Variants in DNMT1 observed in about 807,000 individuals in gnomAD.
DNMT1 encodes the protein DNA (cytosine-5)-methyltransferase 1.
DNMT1 carries 24 observed loss-of-function variants against 205.3 expected under a neutral mutation model. The ratio of observed to expected loss-of-function variants is 0.12; its 90% CI spans 0.08 to 0.16. The LOEUF is 0.16. Among genes scored for constraint, DNMT1 ranks in the 10% least tolerant of loss-of-function variants. The pLI, the probability that DNMT1 is intolerant of heterozygous loss-of-function variation, is 1.00. For synonymous variants in DNMT1, 817 were observed against 839.8 expected, an observed-to-expected ratio of 0.97 and a Z score of 0.47; for missense variants, 1,293 against 2,177.7, an observed-to-expected ratio of 0.59 and a Z score of 8.09.
At chr19:10,166,459 C>T in intron 11 of DNMT1, 139 bp downstream of exon 11, 1 of 1,020,512 alleles carries the variant, frequency 9.8e-7, no homozygotes, top group South Asian at 1.3e-5. Context: ...AGGTGACCTT[C>T]CCAGAGTCTG....
intron 34 of DNMT1, among the ~76,000 whole-genome samples, chr19:10,139,373 C>T (rs2089556693): frequency 6.6e-6 from 1 of 152,238 alleles, no homozygotes; most frequent in Non-Finnish European, 1.5e-5. Context: ...CCATGGTGGG[C>T]TGCTCACCCT....
At position 10,173,855 on chromosome 19, in the gene DNMT1, T is replaced by C; in HGVS notation, c.683+16A>G. 6.2e-7 allele frequency: 1 copy of C among 1,613,534 alleles called. No individual in the cohort carries two copies. Among genetic ancestry groups the C allele is most frequent in the Non-Finnish European group, 8.5e-7 (1 of 1,179,492 alleles). On this transcript the variant is annotated intron_variant, in intron 8 of 40. Transcript: ENST00000359526. ...AACTCGTAGAACAAAAAGAAAGGTA[T>C]AGTAACTATTCTTACCGTTCTCTGG... is the stretch of plus-strand genomic sequence containing the variant.
chr19:10,159,341 G>A lies in DNMT1; in HGVS notation c.1280+317C>T, dbSNP rs188654091. On this transcript the variant is annotated intron_variant, in intron 17 of 40. Coordinates refer to ENST00000359526, the MANE Select transcript of DNMT1 (RefSeq NM_001130823.3). This position sits in a 1 kb window ranked among gnomAD's most constrained non-coding sequence, Gnocchi z 5.0. ...AGAAATTCTCCTGCCTAAGCCTCTC[G>A]AGTAGTTGGGATTACAGTCGCGTAC... 6.6e-5 allele frequency among the ~76,000 whole-genome samples: 10 copies of A among 152,156 alleles called. No homozygotes were observed. Among genetic ancestry groups the A allele is most frequent in the Admixed American group, 2.0e-4 (3 of 15,272 alleles).
At chr19:10,190,236 T>C (rs1335008274) in intron 1 of DNMT1, among the ~76,000 whole-genome samples, 1 of 152,188 alleles carries the variant, frequency 6.6e-6, no homozygotes, top group African/African-American at 2.4e-5. Flanking sequence ...CAAAGGAGTC[T>C]GCTAGCATCA....
intron 1 of DNMT1, 172 bp downstream of exon 1, chr19:10,194,648 G>T (rs937119618): frequency 3.4e-6 from 3 of 872,330 alleles, no homozygotes; most frequent in Non-Finnish European, 4.9e-6. Context: ...GCCCGGGCAC[G>T]CGCGACCGGA....
chr19:10,186,952 T>G (rs1451408591), intron 1 of DNMT1, among the ~76,000 whole-genome samples: 2 of 150,752 alleles, frequency 1.3e-5, no homozygotes, highest in African/African-American at 2.4e-5. Context: ...CAGGAAGAAG[T>G]TGACAGCTCT....
chr19:10,147,997 TC>T (rs2038235742), intron 27 of DNMT1, among the ~76,000 whole-genome samples: 1 of 149,862 alleles, frequency 6.7e-6, no homozygotes, highest in South Asian at 2.1e-4. Context: ...ATGCTTGTAA[TC>T]CCAGCTACTC....
chr19:10,140,974 G>A lies in DNMT1; in HGVS notation c.3395-65C>T, dbSNP rs756832489. The A allele has an allele frequency of 2.0e-5, 33 of 1,613,486 alleles. No homozygotes were observed. The highest frequency in any genetic ancestry group is 5.0e-5 in the Admixed American group (3 of 59,996). ...GTCCAAGTCCACCTTGCTCTCAAGC[G>A]CCTTGTTAACTCAGGCGGCCTCGCT... On this transcript the variant is annotated intron_variant, in intron 31 of 40. Coordinates refer to ENST00000359526, the MANE Select transcript of DNMT1 (RefSeq NM_001130823.3). This position sits in a 1 kb window ranked among gnomAD's most constrained non-coding sequence, Gnocchi z 8.4.
In DNMT1 at chr19:10,159,581, A is replaced by T; in HGVS notation, c.1280+77T>A. On this transcript the variant is annotated intron_variant, in intron 17 of 40. Coordinates refer to ENST00000359526, the MANE Select transcript of DNMT1 (RefSeq NM_001130823.3). The surrounding 1 kb of genome is among the most constrained non-coding windows in gnomAD (Gnocchi z 5.0). ...AGGTCAGGCACTAAAAAACATCACC[A>T]GAATCGTGAGCCCGCAGGCACCTCT... The T allele has an allele frequency of 7.0e-7, 1 of 1,434,464 alleles. No individual in the cohort carries two copies. The highest frequency in any genetic ancestry group is 1.2e-5 in the South Asian group (1 of 86,008). The allele number at this position is 1,434,464 out of a possible 1,614,324, so 88.9% of individuals were successfully genotyped here.
Position 10,138,157 on chromosome 19 carries a change from C to G in DNMT1, c.4116-148G>C. 8.7e-7 allele frequency: 1 copy of G among 1,146,192 alleles called. No homozygotes were observed. The highest frequency in any genetic ancestry group is 2.5e-4 in the Middle Eastern group (1 of 4,044). 71.0% of individuals were successfully genotyped at this position (1,146,192 alleles called of 1,614,324 possible). On this transcript the variant is annotated intron_variant, in intron 35 of 40. Transcript: ENST00000359526. The surrounding 1 kb of genome is among the most constrained non-coding windows in gnomAD (Gnocchi z 4.1). ...ACATGGGTGGCAGTGTGCCTGGATG[C>G]CATCTGGAAGGGGGGATGGGGCTAT...
intron 9 of DNMT1, among the ~76,000 whole-genome samples, chr19:10,168,855 T>C (rs1345977725): frequency 1.3e-5 from 2 of 152,230 alleles, no homozygotes; most frequent in African/African-American, 4.8e-5. Context: ...TATTTATTTA[T>C]GAGACGGAGT....
intron 1 of DNMT1, among the ~76,000 whole-genome samples, chr19:10,193,094 C>T (rs2039332468): frequency 6.6e-6 from 1 of 152,134 alleles, no homozygotes; most frequent in South Asian, 2.1e-4. Flanking sequence ...ATGGCTCATA[C>T]TTGTAATCCT....
In DNMT1 at chr19:10,159,968, C is replaced by G; in HGVS notation, c.1090-46G>C. ...ATGATGGCACTCAGAGAGCAGCTCC[C>G]AGCCGCCTCGTGAGCGCCGCCACCG... On this transcript the variant is annotated intron_variant, in intron 15 of 40. Transcript: ENST00000359526. The surrounding 1 kb of genome is among the most constrained non-coding windows in gnomAD (Gnocchi z 5.0). The G allele has an allele frequency of 6.2e-7, 1 of 1,614,250 alleles. No homozygotes were observed. Among genetic ancestry groups the G allele is most frequent in the Admixed American group, 1.7e-5 (1 of 60,032 alleles).
chr19:10,147,305 G>A (rs2038222055), intron 27 of DNMT1, among the ~76,000 whole-genome samples: 1 of 150,428 alleles, frequency 6.6e-6, no homozygotes, highest in East Asian at 2.0e-4. Context: ...AAAGAGGTTG[G>A]GTGATAAATA....
chr19:10,149,525 G>A lies in DNMT1; in HGVS notation c.2514C>T (p.Asp838=). The A allele has an allele frequency of 6.2e-7, 1 of 1,614,060 alleles. No individual in the cohort carries two copies. The highest frequency in any genetic ancestry group is 1.3e-5 in the African/African-American group (1 of 74,996). ...LELFLVDECE[D]MQLSYIHSKV... ...TGCTGTGGATATATGAAAGCTGCAT[G>A]TCCTCACATTCATCCACCAAGAACA... is the stretch of plus-strand genomic sequence containing the variant. Residue 838 remains aspartate (D), a synonymous_variant, in exon 26 of 41, where the codon GAC becomes GAT. Transcript: ENST00000359526.
At position 10,168,255 on chromosome 19, in the gene DNMT1, C is replaced by T. The variant is rs1246451298; in HGVS notation, c.803+75G>A. The stretch of plus-strand genomic sequence containing the variant: ...TAGTGCCCACTGTTCCACACCAACC[C>T]GTTATTTTACCAAGATACTTATGTT... On this transcript the variant is annotated intron_variant, in intron 10 of 40. Coordinates refer to ENST00000359526, the MANE Select transcript of DNMT1 (RefSeq NM_001130823.3). 10 of 1,567,068 alleles carry T rather than the reference C, an allele frequency of 6.4e-6. No individual in the cohort carries two copies. The highest frequency in any genetic ancestry group is 2.2e-5 in the South Asian group (2 of 89,940).
intron 27 of DNMT1, among the ~76,000 whole-genome samples, chr19:10,148,090 T>C (rs1307404648): frequency 8.5e-6 from 1 of 117,162 alleles, no homozygotes; most frequent in African/African-American, 3.4e-5. Context: ...CACTCCAGCC[T>C]GGGCAACAAA....
intron 1 of DNMT1, among the ~76,000 whole-genome samples, chr19:10,192,707 A>T (rs907376721): frequency 3.3e-5 from 5 of 152,222 alleles, no homozygotes; most frequent in Non-Finnish European, 7.3e-5. Flanking sequence ...TTCCATTTTA[A>T]ATCAAGTTTT....
intron 13 of DNMT1, among the ~76,000 whole-genome samples, chr19:10,160,912 C>T (rs2038553816): frequency 6.6e-6 from 1 of 152,064 alleles, no homozygotes; most frequent in Non-Finnish European, 1.5e-5. Context: ...ATAAATAAAT[C>T]TCATAACCAA....
Sources: gnomAD v4.1 joint callset for allele counts (sites outside exome capture counted in the v4.1 genomes callset) on GRCh38, gnomAD v4.1.1 for gene constraint, Gnocchi (gnomAD v3.1) non-coding constraint, MANE v1.5 for transcripts, NCBI Gene and HGNC (gene_info 2026-07-23, HGNC 2026-07-21) for gene names.